ZNF438: variants seen among roughly 807,000 people sequenced by gnomAD.
ZNF438 encodes zinc finger protein 438.
ZNF438 carries 25 observed loss-of-function variants against 38.0 expected under a neutral mutation model. The ratio of observed to expected loss-of-function variants is 0.66; its 90% CI spans 0.48 to 0.92. The LOEUF is 0.92. Among genes scored for constraint, ZNF438 ranks in the 40% least tolerant of loss-of-function variants. The pLI is 0.00. For synonymous variants in ZNF438, 372 were observed against 364.1 expected, an observed-to-expected ratio of 1.02 and a Z score of -0.25; for missense variants, 1,007 against 999.6, an observed-to-expected ratio of 1.01 and a Z score of -0.10.
intron 3 of ZNF438, among the ~76,000 whole-genome samples, chr10:30,890,336 T>C (rs1209451107): frequency 6.6e-6 from 1 of 152,212 alleles, no homozygotes; most frequent in Non-Finnish European, 1.5e-5. Flanking sequence ...TCCTTATTTT[T>C]CCTTCATAGG....
At chr10:30,967,519 T>C (rs1038430474) in intron 1 of ZNF438, among the ~76,000 whole-genome samples, 1 of 152,218 alleles carries the variant, frequency 6.6e-6, no homozygotes, top group Non-Finnish European at 1.5e-5. Context: ...ATCTTTAATA[T>C]GGCAATAGGG....
intron 1 of ZNF438, among the ~76,000 whole-genome samples, chr10:31,026,889 C>T (rs184943574): frequency 6.6e-6 from 1 of 152,252 alleles, no homozygotes; most frequent in East Asian, 1.9e-4. Context: ...GGCACATATA[C>T]ACCATGGAAT....
chr10:30,863,598 C>CCCT (rs1369559312), intron 4 of ZNF438, among the ~76,000 whole-genome samples: 2 of 152,224 alleles, frequency 1.3e-5, no homozygotes, highest in Non-Finnish European at 1.5e-5. Flanking sequence ...AATATCTATT[C>CCCT]TCATCCACAG....
chr10:30,968,068 A>G (rs1165811108), intron 1 of ZNF438, among the ~76,000 whole-genome samples: 1 of 152,198 alleles, frequency 6.6e-6, no homozygotes, highest in Non-Finnish European at 1.5e-5. Flanking sequence ...GCATGATAAA[A>G]TCATGCTGTT....
intron 4 of ZNF438, among the ~76,000 whole-genome samples, chr10:30,862,621 T>C (rs992769133): frequency 2.0e-5 from 3 of 152,234 alleles, no homozygotes; most frequent in African/African-American, 7.2e-5. Flanking sequence ...TAGTTTTCAA[T>C]AGCAGTTGCA....
chr10:30,953,643 A>G (rs1033873227), intron 1 of ZNF438, among the ~76,000 whole-genome samples: 11 of 116,814 alleles, frequency 9.4e-5, no homozygotes, highest in Non-Finnish European at 1.9e-4. Context: ...TAATAATAAA[A>G]AAAAAAACAT....
intron 2 of ZNF438, among the ~76,000 whole-genome samples, chr10:30,937,428 C>G (rs1463516202): frequency 6.6e-6 from 1 of 152,126 alleles, no homozygotes; most frequent in Non-Finnish European, 1.5e-5. Context: ...CACAATCATA[C>G]AGGACTGGGG....
chr10:30,963,494 A>C (rs1021872803), intron 1 of ZNF438, among the ~76,000 whole-genome samples: 3 of 152,068 alleles, frequency 2.0e-5, no homozygotes, highest in Non-Finnish European at 4.4e-5. Context: ...CCACCTATCT[A>C]CGTGTAAAAA....
At chr10:30,952,490 G>A (rs1051963936) in intron 1 of ZNF438, among the ~76,000 whole-genome samples, 46 of 150,322 alleles carry the variant, frequency 3.1e-4, no homozygotes, top group East Asian at 1.4e-3. Context: ...GAAAATTTTC[G>A]CAACCTACTC....
chr10:31,000,164 G>A (rs998615050), intron 1 of ZNF438, among the ~76,000 whole-genome samples: 18 of 152,046 alleles, frequency 1.2e-4, no homozygotes, highest in African/African-American at 4.1e-4. Context: ...ATACCTGAAT[G>A]TCCCACAAAA....
In ZNF438 at chr10:30,961,149, TAA is replaced by T. The variant is rs562859851; in HGVS notation, c.-191-19500_-191-19499del. Among the ~76,000 whole-genome samples, 48 of 127,638 alleles carry T rather than the reference TAA, an allele frequency of 3.8e-4. 2 individuals carry two copies. The highest frequency in any genetic ancestry group is 5.9e-4 in the Non-Finnish European group (34 of 57,172). 83.7% of individuals were successfully genotyped at this position (127,638 alleles called of 152,430 possible). A position where few individuals can be genotyped will look rare whatever the true frequency, so the allele number is the denominator to read the frequency against. ...TCTTACTTTATATAAGCCTGTTTCT[TAA>T]AAAAAAAAAAAGTTTTTTTTACATA... On this transcript the variant is annotated intron_variant, in intron 1 of 5. Coordinates refer to ENST00000413025, the Ensembl canonical transcript of ZNF438.
intron 3 of ZNF438, among the ~76,000 whole-genome samples, chr10:30,877,555 T>C (rs2038615494): frequency 6.6e-6 from 1 of 152,138 alleles, no homozygotes; most frequent in Non-Finnish European, 1.5e-5. Flanking sequence ...TAAACATGGA[T>C]GAACATGCTA....
At chr10:30,921,929 A>G (rs971764385) in intron 2 of ZNF438, among the ~76,000 whole-genome samples, 2 of 152,220 alleles carry the variant, frequency 1.3e-5, no homozygotes, top group Non-Finnish European at 2.9e-5. Context: ...CCTGGGATGT[A>G]AAAACCTCCA....
In ZNF438 at chr10:30,869,709, C is replaced by G. The variant is rs150314707; in HGVS notation, c.37+7289G>C. On this transcript the variant is annotated intron_variant, in intron 4 of 5. Transcript: ENST00000413025. ...TAAGTAGTTAACCAAAACCAGCTTG[C>G]AAATGTCAATCTGTACTTGCTCTGC... Among the ~76,000 whole-genome samples the G allele has an allele frequency of 2.0e-4, 31 of 152,298 alleles. No homozygotes were observed. The East Asian group carries it at 6.0e-3, about 29-fold the overall frequency.
At chr10:30,886,670 TAAAC>T (rs2039990143) in intron 3 of ZNF438, among the ~76,000 whole-genome samples, 1 of 152,214 alleles carries the variant, frequency 6.6e-6, no homozygotes, top group Non-Finnish European at 1.5e-5. Context: ...CTAAAAGTGA[TAAAC>T]AGAATGGCTG....
intron 2 of ZNF438, among the ~76,000 whole-genome samples, chr10:30,910,004 C>A (rs1329361539): frequency 6.6e-6 from 1 of 152,164 alleles, no homozygotes; most frequent in Non-Finnish European, 1.5e-5. Context: ...GTTTGTCTAG[C>A]TAGATCTTCT....
At chr10:30,898,878 T>A (rs1392246143) in intron 3 of ZNF438, among the ~76,000 whole-genome samples, 2 of 152,152 alleles carry the variant, frequency 1.3e-5, no homozygotes, top group Non-Finnish European at 2.9e-5. Context: ...ATACGTAATT[T>A]CCTATAATTC....
At chr10:30,885,665 C>T (rs2039863502) in intron 3 of ZNF438, among the ~76,000 whole-genome samples, 1 of 152,178 alleles carries the variant, frequency 6.6e-6, no homozygotes, top group Admixed American at 6.5e-5. Flanking sequence ...CTGAGTGCAG[C>T]TTCTCCCTCT....
At chr10:30,925,297 T>G (rs2044785285) in intron 2 of ZNF438, among the ~76,000 whole-genome samples, 1 of 152,116 alleles carries the variant, frequency 6.6e-6, no homozygotes, top group Admixed American at 6.6e-5. Flanking sequence ...AGATTATATC[T>G]GTTGATGCCC....
Sources: gnomAD v4.1 joint callset for allele counts (sites outside exome capture counted in the v4.1 genomes callset) on GRCh38, gnomAD v4.1.1 for gene constraint, MANE v1.5 for transcripts, NCBI Gene and HGNC (gene_info 2026-07-23, HGNC 2026-07-21) for gene names.